Variants in TOP2A observed in about 807,000 individuals in gnomAD.
TOP2A encodes DNA topoisomerase 2-alpha.
Under a neutral mutation model 187.2 loss-of-function variants are expected in TOP2A, and 68 were observed. The observed-to-expected ratio is 0.36, with a 90% CI of 0.30 to 0.44. The LOEUF is 0.44. TOP2A is among the 20% of genes least tolerant of loss of function. TOP2A has a pLI of 1.00. For synonymous variants in TOP2A, 542 were observed against 593.2 expected, an observed-to-expected ratio of 0.91 and a Z score of 1.25; for missense variants, 1,196 against 1,808.7, an observed-to-expected ratio of 0.66 and a Z score of 6.14.
Position 40,389,353 on chromosome 17 carries a change from T to C in TOP2A, c.*166A>G, listed in dbSNP as rs1395505745. On this transcript the variant is annotated 3_prime_UTR_variant, in exon 35 of 35. Transcript: ENST00000423485. ...TGAGATGGTCACTATTTAGACAGTA[T>C]TATAAAAAGCTAAAGAACACTTGGG... The C allele has an allele frequency of 8.9e-6, 6 of 673,138 alleles. No homozygotes were observed. Among genetic ancestry groups the C allele is most frequent in the Non-Finnish European group, 1.4e-5 (6 of 416,298 alleles). The allele number at this position is 673,138 out of a possible 1,614,324, so 41.7% of individuals were successfully genotyped here. A position where few individuals can be genotyped will look rare whatever the true frequency, so the allele number is the denominator to read the frequency against.
At position 40,408,064 on chromosome 17, in the gene TOP2A, A is replaced by G; in HGVS notation, c.1403T>C (p.Leu468Ser). 6.2e-7 allele frequency: 1 copy of G among 1,613,658 alleles called. No homozygotes were observed. Among genetic ancestry groups the G allele is most frequent in the East Asian group, 2.2e-5 (1 of 44,846 alleles). ...ILTEGDSAKT[L>S]AVSGLGVVGR... ...AACCACACCAAGGCCTGAAACAGCC[A>G]AAGTTTTGGCTGAATCTCCCTCAGT... Residue 468 changes from leucine (L) to serine (S), a missense_variant, in exon 12 of 35, where the codon TTG becomes TCG. By Grantham distance (145) the Leu-to-Ser change is moderately radical. This residue lies in a region of TOP2A where 252 missense variants were observed against 434.8 expected (regional missense o/e 0.58). Transcript: ENST00000423485.
rs565121 is a variant in TOP2A at position 40,399,744 on chromosome 17, G to A, written c.3196+128C>T. 3.6e-3 allele frequency: 2,466 copies of A among 678,080 alleles called. 40 individuals carry two copies. In the African/African-American group the frequency reaches 0.038, roughly 10 times the overall value. 42.0% of individuals were successfully genotyped at this position (678,080 alleles called of 1,614,324 possible). ...CTAATCAGATATTTTAAAGAAATGC[G>A]TGTATAAGTGACCAGGTGAATTAAA... On this transcript the variant is annotated intron_variant, in intron 24 of 34. Coordinates refer to ENST00000423485, the MANE Select transcript of TOP2A (RefSeq NM_001067.4).
rs140983626 is a variant in TOP2A at position 40,396,755 on chromosome 17, T to C, written c.3538-290A>G. Among the ~76,000 whole-genome samples, 610 of 152,320 alleles carry C rather than the reference T, an allele frequency of 4.0e-3. 5 individuals carry two copies. Among genetic ancestry groups the C allele is most frequent in the African/African-American group, 0.014 (582 of 41,576 alleles). Reference sequence around the variant, plus strand: ...AAACATGTATATACATATATATTTGTAAACTCACATACAAAATATGAAAGG... The same window carrying C: ...AAACATGTATATACATATATATTTGCAAACTCACATACAAAATATGAAAGG... On this transcript the variant is annotated intron_variant, in intron 27 of 34. Transcript: ENST00000423485.
intron 24 of TOP2A, 80 bp from the exon 25 acceptor site, chr17:40,399,211 G>C: frequency 2.0e-6 from 2 of 996,184 alleles, no homozygotes; most frequent in East Asian, 2.6e-5. Context: ...CAAGTCAAAA[G>C]TTTAAAACTG....
At chr17:40,398,523 T>C (rs1477055814) in intron 27 of TOP2A, 35 bp downstream of exon 27, 2 of 1,495,686 alleles carry the variant, frequency 1.3e-6, no homozygotes, top group African/African-American at 2.8e-5. Flanking sequence ...ATTTCATTAA[T>C]AAAAATTCTA....
chr17:40,406,720 T>A (rs2035250095), intron 14 of TOP2A, 31 bp from the exon 15 acceptor site: 1 of 1,600,972 alleles, frequency 6.2e-7, no homozygotes, highest in Non-Finnish European at 8.6e-7. Context: ...TGTGGCTTTG[T>A]ACACTGTGGG....
Position 40,395,455 on chromosome 17 carries a change from CTCTTTTCTGTT to C in TOP2A, c.3794_3804del (p.Lys1265ArgfsTer15), listed in dbSNP as rs775576837. The C allele has an allele frequency of 1.9e-6, 3 of 1,603,658 alleles. No homozygotes were observed. The highest frequency in any genetic ancestry group is 2.6e-6 in the Non-Finnish European group (3 of 1,173,204). ...TCTAAAAATGTTGTAATACCTGGTT[CTCTTTTCTGTT>C]TCTTTTCTAATCTTTGTTTTAGGCC... On this transcript the variant is annotated frameshift_variant, in exon 29 of 35. Coordinates refer to ENST00000423485, the MANE Select transcript of TOP2A (RefSeq NM_001067.4). LOFTEE classifies it high-confidence loss of function.
chr17:40,406,149 C>T (rs1313912479), intron 16 of TOP2A, among the ~76,000 whole-genome samples: 2 of 152,206 alleles, frequency 1.3e-5, no homozygotes, highest in Non-Finnish European at 2.9e-5. Context: ...GATCCACCTG[C>T]CTTGGCCTCC....
At chr17:40,404,113 T>C in intron 19 of TOP2A, 39 bp downstream of exon 19, 1 of 1,605,734 alleles carries the variant, frequency 6.2e-7, no homozygotes, top group Middle Eastern at 1.7e-4. Context: ...CAGGGATTTC[T>C]GATATAATGC....
intron 25 of TOP2A, 26 bp downstream of exon 25, chr17:40,399,014 T>C: frequency 6.3e-7 from 1 of 1,591,620 alleles, no homozygotes; most frequent in Non-Finnish European, 8.6e-7. Context: ...TCTTTAACAA[T>C]ATAGAAAAGT....
intron 10 of TOP2A, chr17:40,409,634 C>G (rs1033531988): frequency 1.1e-5 from 3 of 285,650 alleles, no homozygotes; most frequent in Non-Finnish European, 2.1e-5. Context: ...TGGTGCATGT[C>G]TGTAATCCCC....
Position 40,411,265 on chromosome 17 carries a change from T to A in TOP2A, c.1066-19A>T. On this transcript the variant is annotated intron_variant, in intron 9 of 34. Coordinates refer to ENST00000423485, the MANE Select transcript of TOP2A (RefSeq NM_001067.4). The surrounding 1 kb of genome is among the most constrained non-coding windows in gnomAD (Gnocchi z 4.4). ...TTTTCACCTGCAATAGAAGTTGATA[T>A]TAAGCCACTAAAAATGTACTCATGC... The A allele has an allele frequency of 6.2e-7, 1 of 1,612,234 alleles. No individual in the cohort carries two copies. The highest frequency in any genetic ancestry group is 2.2e-5 in the East Asian group (1 of 44,824).
chr17:40,414,269 C>CT (rs1301691428), intron 4 of TOP2A, among the ~76,000 whole-genome samples: 7 of 152,166 alleles, frequency 4.6e-5, no homozygotes, highest in African/African-American at 1.4e-4. Context: ...AGGATCACAG[C>CT]TTACTGCAGT....
At chr17:40,405,456 T>G (rs8080708) in intron 16 of TOP2A, among the ~76,000 whole-genome samples, 1 of 69,216 alleles carries the variant, frequency 1.4e-5, no homozygotes, top group Non-Finnish European at 3.1e-5. Context: ...CGACCTTTTT[T>G]GTTTTTTTTT....
At chr17:40,395,356 C>A (rs2143632271) in intron 29 of TOP2A, 93 bp downstream of exon 29, 33 of 469,394 alleles carry the variant, frequency 7.0e-5, no homozygotes, top group Middle Eastern at 8.0e-4. Flanking sequence ...CTCAATTCAA[C>A]AAAAAGGTTT....
chr17:40,401,423 G>A (rs2035179072), intron 20 of TOP2A, among the ~76,000 whole-genome samples: 1 of 152,082 alleles, frequency 6.6e-6, no homozygotes. Flanking sequence ...AAAAGACACT[G>A]AGGGCGCCAG....
At position 40,398,646 on chromosome 17, in the gene TOP2A, A is replaced by G. The variant is rs751747325; in HGVS notation, c.3454-5T>C. On this transcript the variant is annotated splice_region_variant and splice_polypyrimidine_tract_variant and intron_variant, in intron 26 of 34. Coordinates refer to ENST00000423485, the MANE Select transcript of TOP2A (RefSeq NM_001067.4). ...TAATGTGTCCAGCTCTTGTTCCTTC[A>G]TAAGATAATTACAAAATTGAGTTAA... 1 of 1,598,976 alleles carries G rather than the reference A, an allele frequency of 6.3e-7. No homozygotes were observed. The highest frequency in any genetic ancestry group is 1.8e-5 in the Admixed American group (1 of 56,772).
intron 20 of TOP2A, among the ~76,000 whole-genome samples, chr17:40,402,245 C>G (rs758449221): frequency 2.5e-4 from 38 of 152,268 alleles, no homozygotes; most frequent in Non-Finnish European, 4.1e-4. Flanking sequence ...GTTTGAGATA[C>G]TTAACTAGAT....
rs1004761787 is a variant in TOP2A at position 40,389,436 on chromosome 17, G to C, written c.*83C>G. On this transcript the variant is annotated 3_prime_UTR_variant, in exon 35 of 35. Transcript: ENST00000423485. ...CACCTTCCCCAAACTAAATTCAGAG[G>C]GGAGGAAGTTAAGAGCTTCAGGTAA... 19 of 1,470,036 alleles carry C rather than the reference G, an allele frequency of 1.3e-5. No homozygotes were observed. The highest frequency in any genetic ancestry group is 2.8e-5 in the African/African-American group (2 of 70,306). The allele number at this position is 1,470,036 out of a possible 1,614,324, so 91.1% of individuals were successfully genotyped here.
Sources: gnomAD v4.1 joint callset for allele counts (sites outside exome capture counted in the v4.1 genomes callset) on GRCh38, gnomAD v4.1.1 for gene constraint, gnomAD v4.1.1 regional missense constraint, Gnocchi (gnomAD v3.1) non-coding constraint, MANE v1.5 for transcripts, NCBI Gene and HGNC (gene_info 2026-07-23, HGNC 2026-07-21) for gene names.